SHQ1: variants seen among roughly 807,000 people sequenced by gnomAD.
SHQ1 encodes the protein protein SHQ1 homolog.
A neutral mutation model predicts 53.8 loss-of-function variants in SHQ1; 49 were observed. The ratio of observed to expected loss-of-function variants is 0.91; its 90% confidence interval spans 0.72 to 1.16. The LOEUF (loss-of-function observed/expected upper bound fraction) is 1.16. SHQ1 is among the 50% of genes most tolerant of loss of function. The pLI, the probability that SHQ1 is intolerant of heterozygous loss-of-function variation, is 0.00. For missense variants in SHQ1, 738 were observed against 683.1 expected (o/e 1.08, Z -0.90); for synonymous variants, 243 against 251.0 (o/e 0.97, Z 0.30).
intron 10 of SHQ1, among the ~76,000 whole-genome samples, chr3:72,770,941 G>A (rs1317512818): frequency 1.3e-5 from 2 of 152,202 alleles, no homozygotes; most frequent in Non-Finnish European, 2.9e-5. Context: ...TGCAAAGATT[G>A]TGTCTGGATT....
chr3:72,775,038 C>A (rs1455174389), intron 10 of SHQ1, among the ~76,000 whole-genome samples: 1 of 152,130 alleles, frequency 6.6e-6, no homozygotes, highest in Non-Finnish European at 1.5e-5. Context: ...TCGCTTGAAC[C>A]AGGGAAGCAG....
At chr3:72,831,632 T>C (rs1707823317) in intron 5 of SHQ1, among the ~76,000 whole-genome samples, 1 of 152,198 alleles carries the variant, frequency 6.6e-6, no homozygotes, top group East Asian at 1.9e-4. Context: ...AAAACCCTCA[T>C]TCTCCACGCA....
chr3:72,733,752 G>A, the SHQ1 span, among the ~76,000 whole-genome samples: 1 of 151,636 alleles, frequency 6.6e-6, no homozygotes, highest in Non-Finnish European at 1.5e-5. Context: ...TGTCCTTCAT[G>A]AAGCCTCCCC....
intron 10 of SHQ1, 73 bp from the exon 11 acceptor site, chr3:72,750,909 C>A: frequency 7.8e-7 from 1 of 1,283,438 alleles, no homozygotes; most frequent in Non-Finnish European, 1.0e-6. Flanking sequence ...TATACAGCTT[C>A]CAAAAAAATA....
At chr3:72,768,635 A>T (rs983596416) in intron 10 of SHQ1, among the ~76,000 whole-genome samples, 5 of 152,206 alleles carry the variant, frequency 3.3e-5, no homozygotes, top group South Asian at 2.1e-4. Context: ...TGTCCAAAGA[A>T]GAAAACAACA....
intron 10 of SHQ1, among the ~76,000 whole-genome samples, chr3:72,779,978 T>A (rs1274827155): frequency 6.6e-6 from 1 of 152,216 alleles, no homozygotes; most frequent in African/African-American, 2.4e-5. Flanking sequence ...CTCATGCCTA[T>A]AATCCTAGCA....
At position 72,824,614 on chromosome 3, in the gene SHQ1, T is replaced by C; in HGVS notation, c.600-63A>G. ...TTCACTGGCTTTTACTTTTTAACAT[T>C]TTATCTTAACTCATATTTGTACTAG... On this transcript the variant is annotated intron_variant, in intron 5 of 10. Transcript: ENST00000325599. 4.6e-6 allele frequency: 7 copies of C among 1,535,908 alleles called. No individual in the cohort carries two copies. In the South Asian group the frequency reaches 7.5e-5, roughly 17 times the overall value.
At chr3:72,758,684 C>G (rs529598392) in intron 10 of SHQ1, among the ~76,000 whole-genome samples, 1 of 151,628 alleles carries the variant, frequency 6.6e-6, no homozygotes, top group African/African-American at 2.4e-5. Context: ...GTTCTCCTGC[C>G]TCAGCCTCCT....
Position 72,803,492 on chromosome 3 carries a change from C to A in SHQ1, c.1060+9179G>T, listed in dbSNP as rs115329489. On this transcript the variant is annotated intron_variant, in intron 9 of 10. Coordinates refer to ENST00000325599, the MANE Select transcript of SHQ1 (RefSeq NM_018130.3). ...AGCTAAGTCTCACCTTGTGGGAAGG[C>A]GAGAGAAAATAGCTGAAATGATCTA... Among the ~76,000 whole-genome samples the A allele has an allele frequency of 5.5e-3, 842 of 152,150 alleles. 8 individuals carry two copies. Among genetic ancestry groups the A allele is most frequent in the African/African-American group, 0.018 (750 of 41,492 alleles).
At chr3:72,781,957 C>T (rs913073338) in intron 10 of SHQ1, among the ~76,000 whole-genome samples, 1 of 152,078 alleles carries the variant, frequency 6.6e-6, no homozygotes, top group East Asian at 1.9e-4. Flanking sequence ...AAAAAGTGGA[C>T]CTCCATAGGA....
intron 9 of SHQ1, among the ~76,000 whole-genome samples, chr3:72,796,929 A>T (rs1706642322): frequency 2.1e-5 from 1 of 48,726 alleles, no homozygotes; most frequent in Non-Finnish European, 3.5e-5. Flanking sequence ...CTATTTTCTT[A>T]AAAAAAAAAA....
chr3:72,817,532 G>C, intron 6 of SHQ1, 148 bp from the exon 7 acceptor site: 1 of 727,302 alleles, frequency 1.4e-6, no homozygotes, highest in Non-Finnish European at 2.2e-6. Flanking sequence ...AACTTAAGTA[G>C]ACTTCACAGT....
chr3:72,750,353 G>C lies in SHQ1; in HGVS notation c.1665C>G (p.Pro555=). The part of the protein sequence containing the change: ...QLKTTVQVSE[P]KGTTAVNRSN... ...TGCGGTTTACAGCAGTGGTGCCCTT[G>C]GGTTCAGAAACCTGAACTGTAGTCT... Residue 555 remains proline (P), a synonymous_variant, in exon 11 of 11, where the codon CCC becomes CCG. Coordinates refer to ENST00000325599, the MANE Select transcript of SHQ1 (RefSeq NM_018130.3). 6.2e-7 allele frequency: 1 copy of C among 1,614,092 alleles called. No individual in the cohort carries two copies. The highest frequency in any genetic ancestry group is 1.1e-5 in the South Asian group (1 of 91,080).
the SHQ1 span, among the ~76,000 whole-genome samples, chr3:72,733,382 T>C: frequency 6.6e-6 from 1 of 151,426 alleles, no homozygotes; most frequent in Non-Finnish European, 1.5e-5. Flanking sequence ...TGAGTCTCTA[T>C]GATGTGCTAG....
chr3:72,736,286 GC>G, the SHQ1 span, among the ~76,000 whole-genome samples: 1 of 150,012 alleles, frequency 6.7e-6, no homozygotes. Context: ...CATGGGCCAG[GC>G]ATCCAAAATG....
At chr3:72,840,919 GTGCTT>G (rs1708161136) in intron 4 of SHQ1, 121 bp downstream of exon 4, 1 of 1,111,124 alleles carries the variant, frequency 9.0e-7, no homozygotes, top group Admixed American at 2.5e-5. Flanking sequence ...GCTGTGCTAA[GTGCTT>G]TAAATACAAT....
chr3:72,826,690 A>G (rs1042110539), intron 5 of SHQ1, among the ~76,000 whole-genome samples: 1 of 152,218 alleles, frequency 6.6e-6, no homozygotes, highest in African/African-American at 2.4e-5. Flanking sequence ...ACCTAAACCA[A>G]TGGTTGAATG....
intron 10 of SHQ1, among the ~76,000 whole-genome samples, chr3:72,765,527 T>A (rs1207194112): frequency 1.7e-5 from 2 of 116,186 alleles, no homozygotes; most frequent in African/African-American, 4.0e-5. Context: ...CAGATTCACA[T>A]GACATATATA....
At chr3:72,833,643 A>C (rs903718922) in intron 4 of SHQ1, among the ~76,000 whole-genome samples, 1 of 152,188 alleles carries the variant, frequency 6.6e-6, no homozygotes, top group Non-Finnish European at 1.5e-5. Context: ...GAATCCTAAG[A>C]ATCAGTTTTC....
Sources: gnomAD v4.1 joint callset for allele counts (sites outside exome capture counted in the v4.1 genomes callset) on GRCh38, gnomAD v4.1.1 for gene constraint, MANE v1.5 for transcripts, NCBI Gene and HGNC (gene_info 2026-07-23, HGNC 2026-07-21) for gene names.